QKI: variants seen among roughly 807,000 people sequenced by gnomAD.
QKI encodes KH domain-containing RNA-binding protein QKI.
In QKI, 10 loss-of-function variants were observed where a neutral mutation model predicts 39.0. That is an observed-to-expected ratio of 0.26 (90% confidence interval 0.16 to 0.43). The LOEUF is 0.43. Among genes scored for constraint, QKI ranks in the 20% least tolerant of loss-of-function variants. The probability of loss-of-function intolerance (pLI) is 1.00; values close to 1 mark genes in which losing one functional copy is unlikely to be tolerated. For missense variants in QKI, 218 were observed against 428.0 expected (o/e 0.51, Z 4.33); for synonymous variants, 204 against 155.4 (o/e 1.31, Z -2.33).
intron 3 of QKI, among the ~76,000 whole-genome samples, chr6:163,488,284 T>C (rs964574979): frequency 1.6e-4 from 24 of 151,990 alleles, no homozygotes; most frequent in African/African-American, 5.3e-4. Flanking sequence ...TCCTCAGACT[T>C]GGAATCAGCC....
chr6:163,417,024 A>G (rs188706024), intron 1 of QKI, among the ~76,000 whole-genome samples: 1 of 152,348 alleles, frequency 6.6e-6, no homozygotes, highest in Admixed American at 6.5e-5. Context: ...CAAAATGTGT[A>G]ACATACTCAA....
At chr6:163,552,046 A>G (rs1002701001) in intron 4 of QKI, among the ~76,000 whole-genome samples, 13 of 152,148 alleles carry the variant, frequency 8.5e-5, no homozygotes, top group African/African-American at 3.1e-4. Context: ...ATTACTGGTA[A>G]CAGTTGATCA....
chr6:163,560,086 A>G (rs999672494), intron 4 of QKI, among the ~76,000 whole-genome samples: 3 of 152,128 alleles, frequency 2.0e-5, no homozygotes, highest in Non-Finnish European at 4.4e-5. Context: ...AAATAAAGTT[A>G]AAGACTTCTC....
At chr6:163,483,304 A>G (rs1044145284) in intron 3 of QKI, among the ~76,000 whole-genome samples, 1 of 152,148 alleles carries the variant, frequency 6.6e-6, no homozygotes, top group Non-Finnish European at 1.5e-5. Flanking sequence ...CTGCTGACTG[A>G]TCAGGGTGGT....
At chr6:163,478,751 G>A (rs1263182750) in intron 2 of QKI, 29 bp from the exon 3 acceptor site, 3 of 1,434,064 alleles carry the variant, frequency 2.1e-6, no homozygotes, top group Non-Finnish European at 2.9e-6. Context: ...AGTGAATAAT[G>A]TATAGTGATC....
chr6:163,525,286 T>TTCTCTCTC (rs368196224), intron 3 of QKI, among the ~76,000 whole-genome samples: 3 of 144,256 alleles, frequency 2.1e-5, no homozygotes, highest in African/African-American at 8.0e-5. Context: ...TTTTTTCCTG[T>TTCTCTCTC]TCTCTCTCTC....
At chr6:163,420,318 A>G (rs960922224) in intron 1 of QKI, among the ~76,000 whole-genome samples, 53 of 151,750 alleles carry the variant, frequency 3.5e-4, no homozygotes, top group African/African-American at 1.1e-3. Flanking sequence ...TAGCTAATAC[A>G]TTTGTTTGAT....
chr6:163,517,058 ACTCT>A (rs376115203), intron 3 of QKI, among the ~76,000 whole-genome samples: 23 of 142,182 alleles, frequency 1.6e-4, no homozygotes, highest in Non-Finnish European at 1.9e-4. Flanking sequence ...ACACACACTC[ACTCT>A]CTCTCTCTCT....
intron 3 of QKI, among the ~76,000 whole-genome samples, chr6:163,522,693 C>G (rs1455135433): frequency 6.6e-6 from 1 of 152,110 alleles, no homozygotes; most frequent in Non-Finnish European, 1.5e-5. Flanking sequence ...GTGCCTGTTT[C>G]CTTGCCGAGG....
chr6:163,479,747 A>G (rs1295998153), intron 3 of QKI, among the ~76,000 whole-genome samples: 1 of 152,210 alleles, frequency 6.6e-6, no homozygotes, highest in Non-Finnish European at 1.5e-5. Flanking sequence ...TTTGTCATTT[A>G]CTTTTGGGAA....
rs1216528933 is a variant in QKI, at chr6:163,491,639, ATGTT to A, written c.402+12745_402+12748del. 4.6e-5 allele frequency among the ~76,000 whole-genome samples: 7 copies of A among 152,316 alleles called. No homozygotes were observed. The East Asian group carries it at 1.2e-3, about 25-fold the overall frequency. On this transcript the variant is annotated intron_variant, in intron 3 of 7. Transcript: ENST00000361752. ...TACAAAACAGTGCAATAAAGATTAAATGTTTATTTCCGGGTTGATAATATCTCAG... is the reference window on the plus strand; with the variant it reads ...TACAAAACAGTGCAATAAAGATTAAATATTTCCGGGTTGATAATATCTCAG...
intron 2 of QKI, among the ~76,000 whole-genome samples, chr6:163,463,232 A>G (rs1339815828): frequency 6.6e-6 from 1 of 152,218 alleles, no homozygotes; most frequent in East Asian, 1.9e-4. Flanking sequence ...TCATTAGAAG[A>G]GAGGCATTAT....
chr6:163,558,369 AT>A (rs1357331509), intron 4 of QKI, among the ~76,000 whole-genome samples: 1 of 151,440 alleles, frequency 6.6e-6, no homozygotes, highest in Non-Finnish European at 1.5e-5. Context: ...TAATTCTATA[AT>A]TAACCCTGTT....
intron 2 of QKI, among the ~76,000 whole-genome samples, chr6:163,456,166 G>T (rs118183799): frequency 3.0e-4 from 45 of 152,224 alleles, no homozygotes; most frequent in Non-Finnish European, 5.1e-4. Context: ...TAAGAATTTA[G>T]CTCAAATGTC....
intron 3 of QKI, among the ~76,000 whole-genome samples, chr6:163,502,268 A>G (rs1255061033): frequency 2.0e-5 from 3 of 152,058 alleles, no homozygotes; most frequent in African/African-American, 7.2e-5. Context: ...GATAGCAATG[A>G]GCTGAGATTG....
At chr6:163,499,204 A>C (rs968108243) in intron 3 of QKI, among the ~76,000 whole-genome samples, 10 of 151,606 alleles carry the variant, frequency 6.6e-5, no homozygotes, top group Non-Finnish European at 1.5e-5. Context: ...TTGCTGAAAA[A>C]CTCTTGCAGT....
chr6:163,504,877 T>C (rs761018678), intron 3 of QKI, among the ~76,000 whole-genome samples: 4 of 152,200 alleles, frequency 2.6e-5, no homozygotes, highest in Non-Finnish European at 5.9e-5. Flanking sequence ...CTTGCTCCTC[T>C]TCTTTTTAAA....
chr6:163,566,900 G>GT lies in QKI; in HGVS notation c.1009+113dup, dbSNP rs1014797778. The GT allele has an allele frequency of 1.2e-4, 177 of 1,479,064 alleles. 2 individuals are homozygous for GT. Among genetic ancestry groups the GT allele is most frequent in the East Asian group, 1.1e-3 (44 of 39,432 alleles). The allele number at this position is 1,479,064 out of a possible 1,614,324, so 91.6% of individuals were successfully genotyped here. A position where few individuals can be genotyped will look rare whatever the true frequency, so the allele number is the denominator to read the frequency against. Reference sequence around the variant, plus strand: ...AAATGTAATTGCTTACCTGCACACAGTTTTTTTTCCTTTTCTAAATTTGTT... The same window carrying GT: ...AAATGTAATTGCTTACCTGCACACAGTTTTTTTTTCCTTTTCTAAATTTGTT... On this transcript the variant is annotated intron_variant, in intron 7 of 7. Coordinates refer to ENST00000361752, the MANE Select transcript of QKI (RefSeq NM_006775.3).
chr6:163,492,460 C>T (rs993589477), intron 3 of QKI, among the ~76,000 whole-genome samples: 2 of 152,060 alleles, frequency 1.3e-5, no homozygotes, highest in Non-Finnish European at 2.9e-5. Flanking sequence ...AATTGTGAAT[C>T]TCAGATTGTT....
Sources: gnomAD v4.1 joint callset for allele counts (sites outside exome capture counted in the v4.1 genomes callset) on GRCh38, gnomAD v4.1.1 for gene constraint, MANE v1.5 for transcripts, NCBI Gene and HGNC (gene_info 2026-07-23, HGNC 2026-07-21) for gene names.